Variants in SMYD3 observed in about 807,000 individuals in gnomAD.
SMYD3 encodes histone-lysine N-methyltransferase SMYD3.
A neutral mutation model predicts 57.7 loss-of-function variants in SMYD3; 36 were observed. The ratio of observed to expected loss-of-function variants is 0.62; its 90% CI spans 0.48 to 0.82. The LOEUF is 0.82. Ranked by LOEUF, SMYD3 falls within the 40% of genes least tolerant of loss-of-function variation. The pLI, the probability that SMYD3 is intolerant of heterozygous loss-of-function variation, is 0.00. For synonymous variants in SMYD3, 211 were observed against 195.0 expected (o/e 1.08, Z -0.68); for missense variants, 515 against 538.8 (o/e 0.96, Z 0.44).
At chr1:246,005,338 G>A (rs1042205636) in intron 5 of SMYD3, among the ~76,000 whole-genome samples, 3 of 152,326 alleles carry the variant, frequency 2.0e-5, no homozygotes, top group East Asian at 3.9e-4. Context: ...CAAAGCAAAC[G>A]CTTACAGCTG....
chr1:245,894,093 G>A (rs192478468), intron 8 of SMYD3, among the ~76,000 whole-genome samples: 1 of 152,178 alleles, frequency 6.6e-6, no homozygotes, highest in South Asian at 2.1e-4. Flanking sequence ...GTGGAGTGGG[G>A]AATTGGAGAA....
At chr1:246,354,890 G>A in intron 2 of SMYD3, 141 bp downstream of exon 2, 1 of 719,498 alleles carries the variant, frequency 1.4e-6, no homozygotes. Context: ...CTGGCAACCT[G>A]TGTGACTCAG....
chr1:246,369,248 T>C (rs1376262742), intron 1 of SMYD3, among the ~76,000 whole-genome samples: 2 of 152,230 alleles, frequency 1.3e-5, no homozygotes, highest in Non-Finnish European at 2.9e-5. Flanking sequence ...AAGATGTTTC[T>C]AGATATCATC....
chr1:245,921,549 G>GTATATATATATGTATA (rs2055939661), intron 7 of SMYD3, among the ~76,000 whole-genome samples: 1 of 141,324 alleles, frequency 7.1e-6, no homozygotes, highest in South Asian at 2.6e-4. Context: ...AAAATGTGGT[G>GTATATATATATGTATA]TATATATATA....
intron 5 of SMYD3, among the ~76,000 whole-genome samples, chr1:246,226,922 C>T (rs1020104332): frequency 1.3e-5 from 2 of 152,082 alleles, no homozygotes; most frequent in Non-Finnish European, 2.9e-5. Flanking sequence ...GTTCATCTTC[C>T]TTGGTTTCAA....
At chr1:246,385,298 T>A (rs924929177) in intron 1 of SMYD3, among the ~76,000 whole-genome samples, 1 of 152,200 alleles carries the variant, frequency 6.6e-6, no homozygotes, top group African/African-American at 2.4e-5. Context: ...TAGGAATAAA[T>A]TGAAATACTT....
At chr1:246,403,033 AAG>A (rs764103182) in intron 1 of SMYD3, among the ~76,000 whole-genome samples, 59 of 152,326 alleles carry the variant, frequency 3.9e-4, no homozygotes, top group South Asian at 8.3e-4. Context: ...ACTGTCCATT[AAG>A]AGTCACCATT....
At chr1:245,785,360 G>A (rs926483309) in intron 10 of SMYD3, among the ~76,000 whole-genome samples, 9 of 152,110 alleles carry the variant, frequency 5.9e-5, no homozygotes, top group African/African-American at 1.9e-4. Context: ...CAGGTATTAT[G>A]TTATAACCTC....
intron 7 of SMYD3, among the ~76,000 whole-genome samples, chr1:245,919,614 A>G (rs1245614417): frequency 1.3e-5 from 2 of 152,238 alleles, no homozygotes; most frequent in Non-Finnish European, 2.9e-5. Context: ...TTTTGGGAAA[A>G]AACAGCCAGA....
chr1:246,029,179 A>G (rs1354274559), intron 5 of SMYD3, among the ~76,000 whole-genome samples: 3 of 152,248 alleles, frequency 2.0e-5, no homozygotes, highest in Non-Finnish European at 2.9e-5. Flanking sequence ...TAAGACCTCA[A>G]AAGTACAGCC....
intron 1 of SMYD3, among the ~76,000 whole-genome samples, chr1:246,458,940 C>G (rs1254292167): frequency 6.6e-6 from 1 of 152,094 alleles, no homozygotes; most frequent in Non-Finnish European, 1.5e-5. Context: ...GTAGGCAAAA[C>G]AAAGCTACTG....
At chr1:246,425,079 T>C (rs747536390) in intron 1 of SMYD3, among the ~76,000 whole-genome samples, 1 of 152,190 alleles carries the variant, frequency 6.6e-6, no homozygotes, top group Non-Finnish European at 1.5e-5. Flanking sequence ...TTTATCCTAC[T>C]TGATTCTATT....
intron 1 of SMYD3, among the ~76,000 whole-genome samples, chr1:246,405,735 C>T (rs562632763): frequency 2.0e-5 from 3 of 151,918 alleles, no homozygotes; most frequent in South Asian, 4.2e-4. Context: ...GATGAAACCC[C>T]GTCTCTACTA....
chr1:246,405,938 G>T (rs141004799), intron 1 of SMYD3, among the ~76,000 whole-genome samples: 2 of 147,786 alleles, frequency 1.4e-5, no homozygotes, highest in Non-Finnish European at 1.5e-5. Flanking sequence ...AAGAAAGAAA[G>T]AAAAAAGAAT....
chr1:246,363,463 T>C (rs1392781293), intron 1 of SMYD3, among the ~76,000 whole-genome samples: 1 of 151,958 alleles, frequency 6.6e-6, no homozygotes, highest in Non-Finnish European at 1.5e-5. Flanking sequence ...ACAATGGCGG[T>C]TTTGTGGAAT....
chr1:246,496,237 T>C (rs1054681925), intron 1 of SMYD3, among the ~76,000 whole-genome samples: 1 of 151,912 alleles, frequency 6.6e-6, no homozygotes, highest in East Asian at 2.0e-4. Flanking sequence ...GATTTCACCA[T>C]GTTGGCCAGG....
intron 5 of SMYD3, among the ~76,000 whole-genome samples, chr1:245,998,414 T>C (rs534942142): frequency 1.3e-5 from 2 of 152,346 alleles, no homozygotes; most frequent in East Asian, 3.9e-4. Context: ...CGTTTGATTC[T>C]TCAATTTTCA....
chr1:246,257,624 G>A (rs1384205732), intron 5 of SMYD3, among the ~76,000 whole-genome samples: 1 of 152,144 alleles, frequency 6.6e-6, no homozygotes, highest in Non-Finnish European at 1.5e-5. Flanking sequence ...TTACAATCAA[G>A]GTTAATATTC....
Position 246,376,578 on chromosome 1 carries a change from G to A in SMYD3, c.165-21484C>T, listed in dbSNP as rs1227207651. 2.2e-4 allele frequency among the ~76,000 whole-genome samples: 26 copies of A among 118,882 alleles called. No homozygotes were observed. In the East Asian group the frequency reaches 4.6e-3, roughly 21 times the overall value. The allele number at this position is 118,882 out of a possible 152,430, so 78.0% of individuals were successfully genotyped here. A position where few individuals can be genotyped will look rare whatever the true frequency, so the allele number is the denominator to read the frequency against. Reference sequence around the variant, plus strand: ...TGCACTCCAGCCTGGGCAACAGTGCGACACTCCATCTAAAAAAAAAAAAAA... The same window carrying A: ...TGCACTCCAGCCTGGGCAACAGTGCAACACTCCATCTAAAAAAAAAAAAAA... On this transcript the variant is annotated intron_variant, in intron 1 of 11. Coordinates refer to ENST00000490107, the MANE Select transcript of SMYD3 (RefSeq NM_001167740.2).
Sources: allele counts gnomAD v4.1 joint callset (sites outside exome capture counted in the v4.1 genomes callset), GRCh38; gene constraint gnomAD v4.1.1; transcripts MANE v1.5; gene names NCBI Gene and HGNC (gene_info 2026-07-23, HGNC 2026-07-21).